ITSN2: variants seen among roughly 807,000 people sequenced by gnomAD.
ITSN2 encodes the protein intersectin-2.
In ITSN2, 156 loss-of-function variants were observed where a neutral mutation model predicts 243.7. The ratio of observed to expected loss-of-function variants is 0.64; its 90% confidence interval spans 0.56 to 0.73. The LOEUF is 0.73. Among genes scored for constraint, ITSN2 ranks in the 30% least tolerant of loss-of-function variants. The pLI is 0.00. For missense variants in ITSN2, 1,801 were observed against 1,996.1 expected, an observed-to-expected ratio of 0.90 and a Z score of 1.86; for synonymous variants, 703 against 699.9, an observed-to-expected ratio of 1.00 and a Z score of -0.07.
intron 29 of ITSN2, among the ~76,000 whole-genome samples, chr2:24,231,012 A>ACTCCC (rs74277507): frequency 2.0e-5 from 3 of 152,038 alleles, no homozygotes; most frequent in Non-Finnish European, 4.4e-5. Context: ...CAGGTGCAAA[A>ACTCCC]TCTGCCCAGA....
intron 29 of ITSN2, among the ~76,000 whole-genome samples, chr2:24,227,788 G>A (rs1363199482): frequency 1.3e-5 from 2 of 152,024 alleles, no homozygotes; most frequent in African/African-American, 2.4e-5. Flanking sequence ...GCATGGTGGC[G>A]GGTGCCTGTA....
intron 29 of ITSN2, among the ~76,000 whole-genome samples, chr2:24,227,746 C>T (rs1000925830): frequency 1.1e-4 from 16 of 151,952 alleles, no homozygotes; most frequent in South Asian, 8.3e-4. Context: ...CAGGGTGAAC[C>T]GTCTCTACTA....
rs954569386 is a variant in ITSN2 at position 24,276,024 on chromosome 2, C to T, written c.1945-175G>A. Among the ~76,000 whole-genome samples the T allele has an allele frequency of 2.6e-5, 4 of 151,998 alleles. No homozygotes were observed. The South Asian group carries it at 8.3e-4, about 32-fold the overall frequency. On this transcript the variant is annotated intron_variant, in intron 17 of 39. Transcript: ENST00000355123. ...ATAAAAAAAACCTTAAGTATTTAAA[C>T]CATATAGCTCCTGAGATAAACACAT...
At chr2:24,339,687 G>T (rs1686834488) in intron 1 of ITSN2, among the ~76,000 whole-genome samples, 1 of 151,964 alleles carries the variant, frequency 6.6e-6, no homozygotes, top group African/African-American at 2.4e-5. Context: ...TTTTCTTAAA[G>T]ATAAATGACA....
At chr2:24,264,398 AAAG>A (rs1326766240) in intron 20 of ITSN2, among the ~76,000 whole-genome samples, 6 of 85,552 alleles carry the variant, frequency 7.0e-5, no homozygotes, top group African/African-American at 2.8e-4. Context: ...CAAAAAAAAA[AAAG>A]AAAGAAAGAA....
chr2:24,326,366 T>C (rs1451634201), intron 2 of ITSN2, among the ~76,000 whole-genome samples: 2 of 152,204 alleles, frequency 1.3e-5, no homozygotes, highest in Non-Finnish European at 2.9e-5. Flanking sequence ...GTTTATGGAA[T>C]GGAAGAAGCA....
At chr2:24,320,387 C>T (rs1267267406) in intron 2 of ITSN2, among the ~76,000 whole-genome samples, 4 of 150,252 alleles carry the variant, frequency 2.7e-5, no homozygotes, top group South Asian at 4.3e-4. Flanking sequence ...GGCGCGGTGG[C>T]GGGCGCCTGT....
intron 20 of ITSN2, among the ~76,000 whole-genome samples, chr2:24,270,251 A>C (rs758032709): frequency 6.6e-6 from 1 of 152,172 alleles, no homozygotes; most frequent in Non-Finnish European, 1.5e-5. Flanking sequence ...TCTCTTATTC[A>C]TGTATTTTAT....
chr2:24,334,566 C>A lies in ITSN2; in HGVS notation c.-33-6451G>T, dbSNP rs929333719. On this transcript the variant is annotated intron_variant, in intron 1 of 39. Transcript: ENST00000355123. ...TTTCTGTAAGAAGTGTGGCAAGCAC[C>A]AACCCTGCAAAGTGACACAGTACAA... The A allele has an allele frequency of 3.4e-5, 33 of 958,270 alleles. No homozygotes were observed. The African/African-American group carries it at 4.8e-4, about 14-fold the overall frequency. The allele number at this position is 958,270 out of a possible 1,614,324, so 59.4% of individuals were successfully genotyped here.
At position 24,303,870 on chromosome 2, in the gene ITSN2, AG is replaced by A; in HGVS notation, c.794-9del. 2.5e-6 allele frequency: 4 copies of A among 1,583,118 alleles called. No individual in the cohort carries two copies. The highest frequency in any genetic ancestry group is 3.5e-6 in the Non-Finnish European group (4 of 1,151,774). ...CATTTCTAGCTTGAAAACCTGATTA[AG>A]TGGGGAAAATCATAAAGGAATTCTT... On this transcript the variant is annotated splice_polypyrimidine_tract_variant and intron_variant, in intron 8 of 39. Coordinates refer to ENST00000355123, the MANE Select transcript of ITSN2 (RefSeq NM_006277.3).
intron 13 of ITSN2, among the ~76,000 whole-genome samples, chr2:24,297,696 G>A (rs1681154464): frequency 6.6e-6 from 1 of 152,164 alleles, no homozygotes; most frequent in Non-Finnish European, 1.5e-5. Flanking sequence ...CCTCTGCTTA[G>A]TCCTCCTCAG....
chr2:24,236,521 T>A (rs1199405532), intron 29 of ITSN2, among the ~76,000 whole-genome samples: 1 of 152,212 alleles, frequency 6.6e-6, no homozygotes. Context: ...AAAAAAGTGA[T>A]TACATTCAGC....
intron 17 of ITSN2, among the ~76,000 whole-genome samples, chr2:24,282,139 C>G (rs538879239): frequency 6.6e-6 from 1 of 152,346 alleles, no homozygotes; most frequent in African/African-American, 2.4e-5. Context: ...TGCCACGCCA[C>G]CATCCTGTGC....
intron 2 of ITSN2, among the ~76,000 whole-genome samples, chr2:24,327,827 T>A (rs1458784629): frequency 3.3e-5 from 5 of 152,222 alleles, no homozygotes; most frequent in Non-Finnish European, 7.3e-5. Flanking sequence ...TTTTGGTTAT[T>A]CCTAACTGCT....
At chr2:24,301,399 G>C (rs186942978) in intron 10 of ITSN2, among the ~76,000 whole-genome samples, 160 bp from the exon 11 acceptor site, 25 of 152,144 alleles carry the variant, frequency 1.6e-4, no homozygotes, top group Non-Finnish European at 4.4e-5. Context: ...GTAGTATATG[G>C]ATATTCAAGA....
chr2:24,264,969 G>C (rs1416607975), intron 20 of ITSN2, among the ~76,000 whole-genome samples: 1 of 151,554 alleles, frequency 6.6e-6, no homozygotes, highest in Non-Finnish European at 1.5e-5. Flanking sequence ...TTTTGTTGTT[G>C]TTGTAGAGAT....
chr2:24,243,273 C>G (rs6545365), intron 29 of ITSN2, among the ~76,000 whole-genome samples: 148,964 of 152,324 alleles, frequency 0.98, 72,836 homozygotes, highest in East Asian at 0.99. Flanking sequence ...ATTGTCTTGT[C>G]TTGTTTGTAT....
Position 24,203,522 on chromosome 2 carries a change from G to T in ITSN2, c.*104C>A. The T allele has an allele frequency of 8.6e-7, 1 of 1,160,922 alleles. No individual in the cohort carries two copies. Among genetic ancestry groups the T allele is most frequent in the Non-Finnish European group, 1.2e-6 (1 of 835,344 alleles). The allele number at this position is 1,160,922 out of a possible 1,614,324, so 71.9% of individuals were successfully genotyped here. A position where few individuals can be genotyped will look rare whatever the true frequency, so the allele number is the denominator to read the frequency against. ...GCCCCCAGCGTGCATGGCTTTGTGA[G>T]GGGTGAAGCTGCATGGTGCTCCCTC... On this transcript the variant is annotated 3_prime_UTR_variant, in exon 40 of 40. Coordinates refer to ENST00000355123, the MANE Select transcript of ITSN2 (RefSeq NM_006277.3).
chr2:24,317,530 C>G (rs1010432625), intron 2 of ITSN2, among the ~76,000 whole-genome samples: 2 of 152,222 alleles, frequency 1.3e-5, no homozygotes, highest in Admixed American at 6.5e-5. Flanking sequence ...AGTGGCTATT[C>G]AGCCTCAGAG....
Sources: allele counts gnomAD v4.1 joint callset (sites outside exome capture counted in the v4.1 genomes callset), GRCh38; gene constraint gnomAD v4.1.1; transcripts MANE v1.5; gene names NCBI Gene and HGNC (gene_info 2026-07-23, HGNC 2026-07-21).